Variants in POLR1C observed in about 807,000 individuals in gnomAD.
POLR1C encodes RNA polymerase I and III subunit C, also known as DNA-directed RNA polymerases I and III subunit RPAC1.
POLR1C carries 42 observed loss-of-function variants against 38.3 expected under a neutral mutation model. The observed-to-expected ratio is 1.10, with a 90% CI of 0.86 to 1.42. The LOEUF (loss-of-function observed/expected upper bound fraction) is 1.42. Ranked by LOEUF, POLR1C falls within the 40% of genes most tolerant of loss-of-function variation. The pLI is 0.00. For missense variants in POLR1C, 507 were observed against 450.5 expected, an observed-to-expected ratio of 1.13 and a Z score of -1.14; for synonymous variants, 163 against 163.9, an observed-to-expected ratio of 0.99 and a Z score of 0.04.
intron 6 of POLR1C, 63 bp downstream of exon 6, chr6:43,520,490 T>G (rs971469986): frequency 2.5e-6 from 4 of 1,606,406 alleles, no homozygotes; most frequent in Non-Finnish European, 3.4e-6. Flanking sequence ...GCAAGCTGAC[T>G]AGGGAACTCA....
intron 9 of POLR1C, among the ~76,000 whole-genome samples, chr6:43,543,761 C>A (rs1045593123): frequency 6.6e-6 from 1 of 151,992 alleles, no homozygotes; most frequent in African/African-American, 2.4e-5. Context: ...ACTGCAACCT[C>A]CACCTCCCAG....
intron 8 of POLR1C, chr6:43,527,586 T>G: frequency 1.3e-6 from 2 of 1,598,786 alleles, no homozygotes; most frequent in Non-Finnish European, 1.7e-6. Context: ...CGACCAGCTC[T>G]TCTTCCAGGA....
chr6:43,536,969 T>C (rs1239729559), intron 9 of POLR1C, among the ~76,000 whole-genome samples: 2 of 151,088 alleles, frequency 1.3e-5, no homozygotes, highest in African/African-American at 4.9e-5. Context: ...TTTTGTTTTG[T>C]TTTTTGTTTT....
chr6:43,539,855 T>G (rs1233787351), intron 9 of POLR1C, among the ~76,000 whole-genome samples: 1 of 152,272 alleles, frequency 6.6e-6, no homozygotes, highest in Non-Finnish European at 1.5e-5. Flanking sequence ...CTACTACCAA[T>G]ATAATTAATA....
At chr6:43,540,062 C>T (rs551505458) in intron 9 of POLR1C, among the ~76,000 whole-genome samples, 2 of 152,162 alleles carry the variant, frequency 1.3e-5, no homozygotes, top group African/African-American at 4.8e-5. Context: ...TGAGAACCAG[C>T]CTGGCCAACA....
chr6:43,524,377 C>T (rs1355223672), downstream of POLR1C: 21 of 1,400,296 alleles, frequency 1.5e-5, no homozygotes, highest in Middle Eastern at 7.8e-4. Flanking sequence ...AAAAATCTCA[C>T]CATAATGGTC....
intron 9 of POLR1C, among the ~76,000 whole-genome samples, chr6:43,537,993 G>A (rs964061211): frequency 8.7e-5 from 13 of 149,016 alleles, no homozygotes; most frequent in Non-Finnish European, 1.5e-4. Flanking sequence ...GCTGAGGCAG[G>A]AGAATTGCTT....
intron 10 of POLR1C, chr6:43,560,390 T>C: frequency 2.1e-6 from 3 of 1,439,192 alleles, no homozygotes; most frequent in Non-Finnish European, 2.8e-6. Context: ...CTACATTTTT[T>C]CATAGAAATA....
Position 43,521,416 on chromosome 6 carries a change from A to C in POLR1C, c.*116A>C. Reference sequence around the variant, plus strand: ...ATCCTGAGTTTTCTGGGACAATTCCAGCTTTAATCAATACATTTTGTTAAA... The same window carrying C: ...ATCCTGAGTTTTCTGGGACAATTCCCGCTTTAATCAATACATTTTGTTAAA... On this transcript the variant is annotated 3_prime_UTR_variant, in exon 9 of 9. Transcript: ENST00000642195. 1 of 1,584,212 alleles carries C rather than the reference A, an allele frequency of 6.3e-7. No individual in the cohort carries two copies. Among genetic ancestry groups the C allele is most frequent in the Non-Finnish European group, 8.6e-7 (1 of 1,166,928 alleles).
At chr6:43,541,342 C>T (rs1215168774) in intron 9 of POLR1C, among the ~76,000 whole-genome samples, 1 of 152,148 alleles carries the variant, frequency 6.6e-6, no homozygotes, top group African/African-American at 2.4e-5. Flanking sequence ...TATTATTATG[C>T]ATTGCATGCC....
At chr6:43,525,827 C>T, downstream of POLR1C, 2 of 1,613,894 alleles carry the variant, frequency 1.2e-6, no homozygotes, top group Non-Finnish European at 1.7e-6. Flanking sequence ...ATCACCTGCT[C>T]CTTCTACCCA....
At position 43,517,198 on chromosome 6, in the gene POLR1C, G is replaced by A. The variant is rs1283036463; in HGVS notation, c.69+20G>A. On this transcript the variant is annotated intron_variant, in intron 1 of 8. Coordinates refer to ENST00000642195, the MANE Select transcript of POLR1C (RefSeq NM_203290.4). ...CGCAATGTAAGCCTTGTGGCCTTGA[G>A]CTCGGGCGGGAGGAATGAGAGCGGA... 9.3e-6 allele frequency: 15 copies of A among 1,613,496 alleles called. No homozygotes were observed. The highest frequency in any genetic ancestry group is 1.7e-5 in the Admixed American group (1 of 60,004).
downstream of POLR1C, chr6:43,523,555 G>A: frequency 3.7e-6 from 2 of 534,010 alleles, no homozygotes; most frequent in Non-Finnish European, 7.3e-6. Context: ...GCTGCACGGG[G>A]GTGGGAGGGC....
At chr6:43,531,462 C>G (rs769900273), downstream of POLR1C, 1 of 1,602,424 alleles carries the variant, frequency 6.2e-7, no homozygotes. Context: ...TATGGAGAGG[C>G]AGCATTGGTT....
intron 10 of POLR1C, among the ~76,000 whole-genome samples, chr6:43,557,719 CATTAAATT>C (rs1389352653): frequency 6.9e-6 from 1 of 143,916 alleles, no homozygotes; most frequent in Non-Finnish European, 1.5e-5. Context: ...TACTAAAAAC[CATTAAATT>C]ATATACTGTA....
chr6:43,560,701 A>T (rs1339322406), intron 10 of POLR1C, among the ~76,000 whole-genome samples: 2 of 152,204 alleles, frequency 1.3e-5, no homozygotes, highest in Non-Finnish European at 2.9e-5. Context: ...GACTGAGTAC[A>T]ATCAGAATAT....
Position 43,546,719 on chromosome 6 carries a change from C to A in POLR1C, c.*5-4249C>A, listed in dbSNP as rs1448839819. On this transcript the variant is annotated intron_variant, in intron 9 of 10. Transcript: ENST00000607635. The stretch of plus-strand genomic sequence containing the variant: ...TCAGTGGGCCAGCAAGTTCGTTTCA[C>A]CACACCCAGAATGCTGTATACACAA... The A allele has an allele frequency of 3.1e-6, 5 of 1,611,544 alleles. No individual in the cohort carries two copies. The highest frequency in any genetic ancestry group is 1.7e-4 in the Middle Eastern group (1 of 6,058).
At chr6:43,555,758 A>G (rs1289259047) in intron 10 of POLR1C, 8 of 1,571,364 alleles carry the variant, frequency 5.1e-6, no homozygotes, top group Non-Finnish European at 6.9e-6. Context: ...ATGTGTGTAT[A>G]GCTCAGGCTC....
At chr6:43,541,775 A>T (rs1404130362) in intron 9 of POLR1C, among the ~76,000 whole-genome samples, 1 of 152,102 alleles carries the variant, frequency 6.6e-6, no homozygotes, top group Non-Finnish European at 1.5e-5. Context: ...TAGTAATCCA[A>T]TACTTCTTTT....
Sources: allele counts gnomAD v4.1 joint callset (sites outside exome capture counted in the v4.1 genomes callset), GRCh38; gene constraint gnomAD v4.1.1; transcripts MANE v1.5; gene names NCBI Gene and HGNC (gene_info 2026-07-23, HGNC 2026-07-21).